Variants in ANKRD26 observed in about 807,000 individuals in gnomAD.
ANKRD26 encodes the protein ankyrin repeat domain-containing protein 26.
ANKRD26 carries 141 observed loss-of-function variants against 208.7 expected under a neutral mutation model. The observed-to-expected ratio is 0.68, with a 90% CI of 0.59 to 0.78. The LOEUF is 0.78. Among genes scored for constraint, ANKRD26 ranks in the 30% least tolerant of loss-of-function variants. ANKRD26 has a pLI of 0.00. For missense variants in ANKRD26, 1,889 were observed against 1,938.7 expected, an observed-to-expected ratio of 0.97 and a Z score of 0.48; for synonymous variants, 636 against 660.4, an observed-to-expected ratio of 0.96 and a Z score of 0.57.
At chr10:27,053,730 G>A (rs917910540) in intron 15 of ANKRD26, among the ~76,000 whole-genome samples, 1 of 151,992 alleles carries the variant, frequency 6.6e-6, no homozygotes, top group African/African-American at 2.4e-5. Context: ...ACAATACCAG[G>A]TTCAACCCAT....
intron 1 of ANKRD26, among the ~76,000 whole-genome samples, chr10:27,098,039 C>A (rs979938653): frequency 2.0e-5 from 3 of 151,984 alleles, no homozygotes; most frequent in Non-Finnish European, 4.4e-5. Flanking sequence ...TATAATAAAT[C>A]TATAATAAAA....
At chr10:27,037,460 T>C (rs969639022) in intron 22 of ANKRD26, 137 bp from the exon 23 acceptor site, 2 of 948,616 alleles carry the variant, frequency 2.1e-6, no homozygotes, top group Admixed American at 5.4e-5. Flanking sequence ...TACTCAAGAA[T>C]TACTCAAATT....
chr10:27,022,428 AG>A, intron 29 of ANKRD26, 129 bp downstream of exon 29: 1 of 686,420 alleles, frequency 1.5e-6, no homozygotes, highest in Non-Finnish European at 2.3e-6. Context: ...GTTTAAAAAA[AG>A]TTTTTTTATT....
chr10:27,066,254 T>G (rs2055243245), intron 11 of ANKRD26: 1 of 327,702 alleles, frequency 3.1e-6, no homozygotes, highest in African/African-American at 2.1e-5. Context: ...TCTTTTTTTT[T>G]TTGCACTATC....
intron 9 of ANKRD26, among the ~76,000 whole-genome samples, chr10:27,069,713 A>G (rs2055408649): frequency 6.6e-6 from 1 of 152,244 alleles, no homozygotes; most frequent in South Asian, 2.1e-4. Flanking sequence ...TTTGTAAAAT[A>G]CACTAAACTG....
chr10:26,992,492 ACAC>A (rs2052506357), intron 5 of ANKRD26, among the ~76,000 whole-genome samples: 1 of 150,544 alleles, frequency 6.6e-6, no homozygotes, highest in Admixed American at 6.6e-5. Flanking sequence ...ACACACACAC[ACAC>A]ACACACACAC....
chr10:27,022,549 A>T lies in ANKRD26; in HGVS notation c.4215+9T>A. The stretch of plus-strand genomic sequence containing the variant: ...GACTTTTTTGGTCCCAAAACTTATT[A>T]AAAATTACCTTATGTTTTAGCTTAT... On this transcript the variant is annotated intron_variant, in intron 29 of 33. Transcript: ENST00000376087. 1.3e-6 allele frequency: 2 copies of T among 1,506,274 alleles called. No individual in the cohort carries two copies. The highest frequency in any genetic ancestry group is 1.8e-6 in the Non-Finnish European group (2 of 1,092,592). 93.3% of individuals were successfully genotyped at this position (1,506,274 alleles called of 1,614,324 possible). A position where few individuals can be genotyped will look rare whatever the true frequency, so the allele number is the denominator to read the frequency against.
intron 9 of ANKRD26, among the ~76,000 whole-genome samples, chr10:27,073,573 G>A (rs1014008689): frequency 6.6e-6 from 1 of 152,142 alleles, no homozygotes; most frequent in African/African-American, 2.4e-5. Flanking sequence ...GCATATCACT[G>A]AGAGCTCCCC....
chr10:26,957,283 G>A, the ANKRD26 span, among the ~76,000 whole-genome samples: 14,381 of 152,210 alleles, frequency 0.094, 1,363 homozygotes, highest in East Asian at 0.48. Flanking sequence ...AGCCATTTGG[G>A]TGGCTAAAGC....
intron 26 of ANKRD26, 111 bp from the exon 27 acceptor site, chr10:27,029,056 A>G (rs925869906): frequency 1.9e-6 from 2 of 1,079,248 alleles, no homozygotes; most frequent in African/African-American, 1.6e-5. Flanking sequence ...AAAGATTTCA[A>G]AAGTAGGTGA....
the ANKRD26 span, among the ~76,000 whole-genome samples, chr10:26,953,552 G>C: frequency 1.3e-5 from 2 of 152,008 alleles, no homozygotes; most frequent in Non-Finnish European, 2.9e-5. Flanking sequence ...ATCTTACTCT[G>C]GTAAGCACAT....
intron 1 of ANKRD26, 77 bp from the exon 2 acceptor site, chr10:27,093,876 A>G: frequency 8.8e-7 from 1 of 1,142,738 alleles, no homozygotes; most frequent in African/African-American, 1.5e-5. Flanking sequence ...AATTATAAAC[A>G]TTAAATAGCA....
intron 17 of ANKRD26, among the ~76,000 whole-genome samples, chr10:27,048,384 A>G (rs2054533467): frequency 6.6e-6 from 1 of 152,194 alleles, no homozygotes; most frequent in Admixed American, 6.5e-5. Context: ...TACACATAAT[A>G]TATAATAAAT....
rs745539207 is a variant in ANKRD26, at chr10:27,012,933, A to G, written c.4902T>C (p.Ser1634=). Residue 1634 remains serine (S), a synonymous_variant, in exon 32 of 34, where the codon TCT becomes TCC. Coordinates refer to ENST00000376087, the MANE Select transcript of ANKRD26 (RefSeq NM_014915.3). Reference sequence around the variant, plus strand: ...TATTTGAAGCCCGTGGATTTGAGGTAGAGATCACTAAGTTTTCTCTTGGAA... The same window carrying G: ...TATTTGAAGCCCGTGGATTTGAGGTGGAGATCACTAAGTTTTCTCTTGGAA... The part of the protein sequence containing the change: ...KLIPRENLVI[S]TSNPRASNNS... 1 of 1,614,128 alleles carries G rather than the reference A, an allele frequency of 6.2e-7. No homozygotes were observed. Among genetic ancestry groups the G allele is most frequent in the Admixed American group, 1.7e-5 (1 of 60,012 alleles).
chr10:27,085,762 T>C (rs1007963423), intron 5 of ANKRD26, among the ~76,000 whole-genome samples: 12 of 152,172 alleles, frequency 7.9e-5, no homozygotes, highest in African/African-American at 2.9e-4. Flanking sequence ...GTGGATTTTC[T>C]TCATCTCTGC....
At chr10:26,975,420 T>TTTTTTTTTTG (rs2052210769) in exon 6 of ANKRD26, among the ~76,000 whole-genome samples, 1 of 146,886 alleles carries the variant, frequency 6.8e-6, no homozygotes, top group Non-Finnish European at 1.5e-5. Flanking sequence ...TTTTTTTTTT[T>TTTTTTTTTTG]GGTGTAGTTG....
At chr10:26,999,184 T>C (rs75938509), downstream of ANKRD26, among the ~76,000 whole-genome samples, 1 of 152,224 alleles carries the variant, frequency 6.6e-6, no homozygotes, top group Non-Finnish European at 1.5e-5. Context: ...GGTGCACTAA[T>C]ATGGGCATCT....
At chr10:27,057,203 T>C (rs980223184) in intron 15 of ANKRD26, among the ~76,000 whole-genome samples, 1 of 152,246 alleles carries the variant, frequency 6.6e-6, no homozygotes, top group African/African-American at 2.4e-5. Flanking sequence ...TGTCAACCTC[T>C]ATGCTACAAA....
At chr10:27,043,335 AAAATGTATGCT>A in intron 20 of ANKRD26, 80 bp downstream of exon 20, 1 of 1,472,690 alleles carries the variant, frequency 6.8e-7, no homozygotes. Flanking sequence ...GAAGCACTGC[AAAATGTATGCT>A]AAATGTACAT....
Sources: allele counts gnomAD v4.1 joint callset (sites outside exome capture counted in the v4.1 genomes callset), GRCh38; gene constraint gnomAD v4.1.1; transcripts MANE v1.5; gene names NCBI Gene and HGNC (gene_info 2026-07-23, HGNC 2026-07-21).